The following CAMK4 variants were observed in gnomAD, a reference collection of about 807,000 sequenced individuals.
CAMK4 encodes calcium/calmodulin-dependent protein kinase type IV.
A neutral mutation model predicts 44.9 loss-of-function variants in CAMK4; 22 were observed. That is an observed-to-expected ratio of 0.49 (90% CI 0.35 to 0.70). The LOEUF (loss-of-function observed/expected upper bound fraction) is 0.70. Ranked by LOEUF, CAMK4 falls within the 30% of genes least tolerant of loss-of-function variation. CAMK4 has a pLI of 0.01. For synonymous variants in CAMK4, 218 were observed against 215.4 expected (o/e 1.01, Z -0.11); for missense variants, 498 against 586.8 (o/e 0.85, Z 1.56).
intron 1 of CAMK4, among the ~76,000 whole-genome samples, chr5:111,316,984 C>G (rs1434055333): frequency 2.0e-5 from 3 of 152,080 alleles, no homozygotes; most frequent in Admixed American, 1.3e-4. Flanking sequence ...AGGAATTCGT[C>G]TTGAAATTTC....
chr5:111,288,903 A>C (rs1489271786), intron 1 of CAMK4, among the ~76,000 whole-genome samples: 1 of 152,242 alleles, frequency 6.6e-6, no homozygotes, highest in African/African-American at 2.4e-5. Flanking sequence ...TAGGAGAGAA[A>C]GGGGAAATAT....
intron 5 of CAMK4, among the ~76,000 whole-genome samples, chr5:111,443,359 G>GTA (rs1261351312): frequency 1.3e-4 from 14 of 109,860 alleles, no homozygotes; most frequent in South Asian, 1.1e-3. Context: ...TATATATATA[G>GTA]TATATATATA....
chr5:111,294,736 G>A (rs1747416989), intron 1 of CAMK4, among the ~76,000 whole-genome samples: 1 of 150,968 alleles, frequency 6.6e-6, no homozygotes, highest in South Asian at 2.1e-4. Context: ...GAGTGATACT[G>A]TACCAGAAGT....
chr5:111,295,401 G>A (rs1179587773), intron 1 of CAMK4, among the ~76,000 whole-genome samples: 1 of 152,194 alleles, frequency 6.6e-6, no homozygotes, highest in African/African-American at 2.4e-5. Flanking sequence ...AAACTTGAAA[G>A]TGAACCGTGG....
chr5:111,477,477 A>C (rs1354985896), intron 8 of CAMK4, among the ~76,000 whole-genome samples: 1 of 152,042 alleles, frequency 6.6e-6, no homozygotes, highest in East Asian at 1.9e-4. Flanking sequence ...CATGCAACAC[A>C]TGCCCTGCCA....
intron 1 of CAMK4, among the ~76,000 whole-genome samples, chr5:111,285,739 C>G (rs1306193467): frequency 6.6e-6 from 1 of 152,276 alleles, no homozygotes; most frequent in South Asian, 2.1e-4. Flanking sequence ...TGTTCCCTGT[C>G]AATGCTATTA....
intron 5 of CAMK4, among the ~76,000 whole-genome samples, chr5:111,432,782 T>C (rs1755857689): frequency 1.3e-5 from 2 of 151,862 alleles, no homozygotes; most frequent in South Asian, 2.1e-4. Flanking sequence ...TTTGTTGATA[T>C]ATACCAGAGA....
At chr5:111,418,851 AT>A (rs916407184) in intron 5 of CAMK4, among the ~76,000 whole-genome samples, 1 of 152,114 alleles carries the variant, frequency 6.6e-6, no homozygotes, top group African/African-American at 2.4e-5. Flanking sequence ...GTTGTTGGAC[AT>A]TTTGGTTGGT....
intron 4 of CAMK4, among the ~76,000 whole-genome samples, chr5:111,379,351 T>A (rs1751330543): frequency 6.6e-6 from 1 of 152,134 alleles, no homozygotes; most frequent in African/African-American, 2.4e-5. Context: ...AAAAAGTAAA[T>A]GCTATTGATA....
At chr5:111,397,022 A>G (rs1368130206) in intron 5 of CAMK4, among the ~76,000 whole-genome samples, 3 of 152,138 alleles carry the variant, frequency 2.0e-5, no homozygotes, top group Admixed American at 1.3e-4. Context: ...CCATTTAATA[A>G]TGGCAATTTT....
At chr5:111,302,008 G>C (rs185096408) in intron 1 of CAMK4, among the ~76,000 whole-genome samples, 4 of 152,328 alleles carry the variant, frequency 2.6e-5, no homozygotes, top group Admixed American at 2.6e-4. Flanking sequence ...AGAATTCGGT[G>C]AGGATGTTTG....
chr5:111,394,602 T>A, intron 4 of CAMK4, 108 bp from the exon 5 acceptor site: 1 of 694,384 alleles, frequency 1.4e-6, no homozygotes, highest in African/African-American at 1.8e-5. Context: ...GTAGCTTGTT[T>A]CAATTGTTTA....
intron 6 of CAMK4, among the ~76,000 whole-genome samples, chr5:111,447,664 A>G (rs1754076537): frequency 6.6e-6 from 1 of 152,214 alleles, no homozygotes; most frequent in South Asian, 2.1e-4. Context: ...TCTTCATTAA[A>G]TCCTCTGAAG....
chr5:111,355,119 C>T (rs374954938), intron 2 of CAMK4, among the ~76,000 whole-genome samples: 1 of 152,068 alleles, frequency 6.6e-6, no homozygotes, highest in Non-Finnish European at 1.5e-5. Context: ...CTCAAATAGA[C>T]TTTTTGGGGC....
intron 7 of CAMK4, among the ~76,000 whole-genome samples, chr5:111,450,270 G>C (rs1209108506): frequency 6.6e-6 from 1 of 152,174 alleles, no homozygotes; most frequent in Non-Finnish European, 1.5e-5. Context: ...GGAGGCGGAG[G>C]TTGCAGTGAG....
intron 1 of CAMK4, among the ~76,000 whole-genome samples, chr5:111,308,157 A>G (rs1215153232): frequency 2.2e-5 from 3 of 134,480 alleles, no homozygotes; most frequent in Non-Finnish European, 3.1e-5. Context: ...GCTAGATGAC[A>G]CGTTAGTGGG....
rs1323277326 is a variant in CAMK4, at chr5:111,433,971, GT to G, written c.460-12712del. Among the ~76,000 whole-genome samples, 12 of 152,148 alleles carry G rather than the reference GT, an allele frequency of 7.9e-5. 1 individual carries two copies. Among genetic ancestry groups the G allele is most frequent in the Admixed American group, 7.2e-4 (11 of 15,268 alleles). The stretch of plus-strand genomic sequence containing the variant: ...TTGTGATTTAGAAAGATGACCTGGT[GT>G]TTGGATATATGGGGGTGCTTAAAAG... On this transcript the variant is annotated intron_variant, in intron 5 of 10. Transcript: ENST00000282356.
chr5:111,422,633 A>G (rs1012662077), intron 5 of CAMK4, among the ~76,000 whole-genome samples: 2 of 152,168 alleles, frequency 1.3e-5, no homozygotes, highest in East Asian at 1.9e-4. Context: ...CATTTGGACT[A>G]TTTTTGTTTC....
intron 1 of CAMK4, among the ~76,000 whole-genome samples, chr5:111,329,738 T>C (rs1016411004): frequency 6.6e-6 from 1 of 151,672 alleles, no homozygotes. Context: ...CATACAGTCA[T>C]CTCAATAAAG....
Sources: gnomAD v4.1 joint callset for allele counts (sites outside exome capture counted in the v4.1 genomes callset) on GRCh38, gnomAD v4.1.1 for gene constraint, MANE v1.5 for transcripts, NCBI Gene and HGNC (gene_info 2026-07-23, HGNC 2026-07-21) for gene names.